SLC22A23: variants seen among roughly 807,000 people sequenced by gnomAD.
The protein encoded by SLC22A23 is solute carrier family 22 member 23.
In SLC22A23, 26 loss-of-function variants were observed where a neutral mutation model predicts 61.0. The observed-to-expected ratio is 0.43, with a 90% CI of 0.31 to 0.59. The LOEUF is 0.59. Ranked by LOEUF, SLC22A23 falls within the 20% of genes least tolerant of loss-of-function variation. SLC22A23 has a pLI of 0.11. For missense variants in SLC22A23, 796 were observed against 934.7 expected (o/e 0.85, Z 1.94); for synonymous variants, 430 against 413.9 (o/e 1.04, Z -0.47).
Position 3,272,563 on chromosome 6 carries a change from C to T in SLC22A23, c.*492G>A, listed in dbSNP as rs921450927. On this transcript the variant is annotated 3_prime_UTR_variant, in exon 10 of 10. Transcript: ENST00000406686. ...CTCTAGCAAAAGCCAAATTCATGTACATTTCACTCCGTCTAAAATGCAGTC... is the reference window on the plus strand; with the variant it reads ...CTCTAGCAAAAGCCAAATTCATGTATATTTCACTCCGTCTAAAATGCAGTC... 4 of 152,876 alleles carry T rather than the reference C, an allele frequency of 2.6e-5. No individual in the cohort carries two copies. Among genetic ancestry groups the T allele is most frequent in the African/African-American group, 9.6e-5 (4 of 41,468 alleles). 9.5% of individuals were successfully genotyped at this position (152,876 alleles called of 1,614,324 possible). A position where few individuals can be genotyped will look rare whatever the true frequency, so the allele number is the denominator to read the frequency against.
In SLC22A23 at chr6:3,386,213, G is replaced by A. The variant is rs1370130422; in HGVS notation, c.913+23975C>T. 1.3e-5 allele frequency among the ~76,000 whole-genome samples: 2 copies of A among 152,282 alleles called. No homozygotes were observed. The highest frequency in any genetic ancestry group is 3.9e-4 in the East Asian group (2 of 5,174). Reference sequence around the variant, plus strand: ...TGACATTAGCTGGGAGCATCACAGGGAAGCCAGTGTGCCCTGACAGTGCAC... The same window carrying A: ...TGACATTAGCTGGGAGCATCACAGGAAAGCCAGTGTGCCCTGACAGTGCAC... On this transcript the variant is annotated intron_variant, in intron 3 of 9. Coordinates refer to ENST00000406686, the MANE Select transcript of SLC22A23 (RefSeq NM_015482.2). This position sits in a 1 kb window ranked among gnomAD's most constrained non-coding sequence, Gnocchi z 4.4.
chr6:3,296,816 CAA>C (rs1761143175), intron 5 of SLC22A23, among the ~76,000 whole-genome samples: 1 of 152,220 alleles, frequency 6.6e-6, no homozygotes, highest in Non-Finnish European at 1.5e-5. Flanking sequence ...ACGGCAGCAC[CAA>C]GGAGCTTCTA....
chr6:3,426,280 G>C (rs1770484299), intron 1 of SLC22A23, among the ~76,000 whole-genome samples: 1 of 152,220 alleles, frequency 6.6e-6, no homozygotes, highest in African/African-American at 2.4e-5. Context: ...GACTTGAGCA[G>C]AGCCCAGGTT....
At chr6:3,406,574 G>A (rs1476890294) in intron 3 of SLC22A23, among the ~76,000 whole-genome samples, 1 of 152,006 alleles carries the variant, frequency 6.6e-6, no homozygotes, top group Non-Finnish European at 1.5e-5. Flanking sequence ...GTGCGTATGT[G>A]TGTCCAGAGG....
intron 3 of SLC22A23, among the ~76,000 whole-genome samples, chr6:3,345,908 C>A (rs753850506): frequency 1.6e-4 from 25 of 152,104 alleles, no homozygotes; most frequent in Non-Finnish European, 3.7e-4. Flanking sequence ...TACATATAGC[C>A]GAGCTTGTTT....
intron 3 of SLC22A23, among the ~76,000 whole-genome samples, chr6:3,354,294 T>C (rs2127438093): frequency 6.6e-6 from 1 of 152,336 alleles, no homozygotes; most frequent in East Asian, 1.9e-4. Flanking sequence ...CAACAGGAAG[T>C]GCACATTTAC....
At chr6:3,306,417 AG>A (rs1761979405) in intron 4 of SLC22A23, among the ~76,000 whole-genome samples, 1 of 152,256 alleles carries the variant, frequency 6.6e-6, no homozygotes, top group Admixed American at 6.5e-5. Context: ...GATGTGGAAC[AG>A]GAAGTTTCTA....
At chr6:3,344,616 G>T (rs1764320651) in intron 3 of SLC22A23, among the ~76,000 whole-genome samples, 2 of 152,214 alleles carry the variant, frequency 1.3e-5, no homozygotes, top group African/African-American at 4.8e-5. Flanking sequence ...AGGTTAAAAT[G>T]AAACTAATTT....
Position 3,304,326 on chromosome 6 carries a change from C to G in SLC22A23, c.1083-6108G>C, listed in dbSNP as rs1761819848. On this transcript the variant is annotated intron_variant, in intron 4 of 9. Transcript: ENST00000406686. The surrounding 1 kb of genome is among the most constrained non-coding windows in gnomAD (Gnocchi z 4.3). ...GCAACACACTTTGGATACCTAAAAACTGACAACAACCAATAAATGTCTTTA... is the reference window on the plus strand; with the variant it reads ...GCAACACACTTTGGATACCTAAAAAGTGACAACAACCAATAAATGTCTTTA... Among the ~76,000 whole-genome samples, 1 of 152,210 alleles carries G rather than the reference C, an allele frequency of 6.6e-6. No individual in the cohort carries two copies. Among genetic ancestry groups the G allele is most frequent in the South Asian group, 2.1e-4 (1 of 4,830 alleles).
chr6:3,359,705 C>A (rs1471115634), intron 3 of SLC22A23, among the ~76,000 whole-genome samples: 1 of 152,112 alleles, frequency 6.6e-6, no homozygotes, highest in Non-Finnish European at 1.5e-5. Context: ...TTGGGTATAA[C>A]CCCCCAAAAG....
At position 3,415,941 on chromosome 6, in the gene SLC22A23, T is replaced by C. The variant is rs1424373321; in HGVS notation, c.655-86A>G. On this transcript the variant is annotated intron_variant, in intron 1 of 9. Coordinates refer to ENST00000406686, the MANE Select transcript of SLC22A23 (RefSeq NM_015482.2). ...AATTATAAGGGCAATACAATAACCC[T>C]GCAGGGACCACCGCACCGTTGCCAG... 6 of 954,522 alleles carry C rather than the reference T, an allele frequency of 6.3e-6. No homozygotes were observed. In the Admixed American group the frequency reaches 8.4e-5, roughly 13 times the overall value. 59.1% of individuals were successfully genotyped at this position (954,522 alleles called of 1,614,324 possible). A position where few individuals can be genotyped will look rare whatever the true frequency, so the allele number is the denominator to read the frequency against.
chr6:3,361,296 CTTTTT>C (rs60401285), intron 3 of SLC22A23, among the ~76,000 whole-genome samples: 4 of 145,066 alleles, frequency 2.8e-5, no homozygotes, highest in African/African-American at 1.0e-4. Context: ...CTACATCATT[CTTTTT>C]TTTTTTTTTT....
At chr6:3,289,688 G>T (rs1220538258) in intron 6 of SLC22A23, 76 bp downstream of exon 6, 5 of 1,216,424 alleles carry the variant, frequency 4.1e-6, no homozygotes, top group Middle Eastern at 2.0e-4. Context: ...GGGGAGCAGG[G>T]CCCTGGGCTT....
chr6:3,284,075 CAGCTTGCGGCATGG>C, intron 8 of SLC22A23, 100 bp from the exon 9 acceptor site: 1 of 1,256,648 alleles, frequency 8.0e-7, no homozygotes, highest in Admixed American at 2.5e-5. Flanking sequence ...TCCCAGTGTC[CAGCTTGCGGCATGG>C]ATGGGTATGC....
At chr6:3,416,851 T>G (rs1418392876) in intron 1 of SLC22A23, among the ~76,000 whole-genome samples, 1 of 152,098 alleles carries the variant, frequency 6.6e-6, no homozygotes, top group Non-Finnish European at 1.5e-5. Flanking sequence ...TTCACGCCAA[T>G]GCATTTGGGA....
In SLC22A23 at chr6:3,360,093, T is replaced by G. The variant is rs1322455320; in HGVS notation, c.914-36091A>C. 6.6e-6 allele frequency among the ~76,000 whole-genome samples: 1 copy of G among 152,142 alleles called. No homozygotes were observed. Among genetic ancestry groups the G allele is most frequent in the Non-Finnish European group, 1.5e-5 (1 of 68,030 alleles). ...TAGAAACAGAAAGTAGAAGGGTGGCTGCTCGGGACTAAGGGATGGGAATGG... is the reference window on the plus strand; with the variant it reads ...TAGAAACAGAAAGTAGAAGGGTGGCGGCTCGGGACTAAGGGATGGGAATGG... On this transcript the variant is annotated intron_variant, in intron 3 of 9. Transcript: ENST00000406686. This position sits in a 1 kb window ranked among gnomAD's most constrained non-coding sequence, Gnocchi z 4.6.
At chr6:3,345,335 G>A (rs1246158312) in intron 3 of SLC22A23, among the ~76,000 whole-genome samples, 2 of 150,580 alleles carry the variant, frequency 1.3e-5, no homozygotes, top group Non-Finnish European at 3.0e-5. Flanking sequence ...AAGTTACAAG[G>A]AAAGTACCAG....
chr6:3,366,483 G>C (rs1444614593), intron 3 of SLC22A23, among the ~76,000 whole-genome samples: 1 of 152,018 alleles, frequency 6.6e-6, no homozygotes, highest in Admixed American at 6.6e-5. Flanking sequence ...TTAACTCGCT[G>C]TGTTGTGGGG....
intron 4 of SLC22A23, among the ~76,000 whole-genome samples, chr6:3,315,780 C>T (rs1402817927): frequency 2.6e-5 from 4 of 151,924 alleles, no homozygotes; most frequent in Non-Finnish European, 4.4e-5. Flanking sequence ...AGGAGAATGG[C>T]GTGAACCCAG....
Sources: gnomAD v4.1 joint callset for allele counts (sites outside exome capture counted in the v4.1 genomes callset) on GRCh38, gnomAD v4.1.1 for gene constraint, Gnocchi (gnomAD v3.1) non-coding constraint, MANE v1.5 for transcripts, NCBI Gene and HGNC (gene_info 2026-07-23, HGNC 2026-07-21) for gene names.